Variants in SLC25A28 observed in about 807,000 individuals in gnomAD.
SLC25A28 encodes the protein solute carrier family 25 member 28.
In SLC25A28, 10 loss-of-function variants were observed where a neutral mutation model predicts 31.9. The ratio of observed to expected loss-of-function variants is 0.31; its 90% CI spans 0.19 to 0.53. The LOEUF (loss-of-function observed/expected upper bound fraction) is 0.53. SLC25A28 is among the 20% of genes least tolerant of loss of function. The probability of loss-of-function intolerance (pLI) is 0.95; values close to 1 mark genes in which losing one functional copy is unlikely to be tolerated. For synonymous variants in SLC25A28, 208 were observed against 203.6 expected, an observed-to-expected ratio of 1.02 and a Z score of -0.19; for missense variants, 256 against 490.3, an observed-to-expected ratio of 0.52 and a Z score of 4.51.
chr10:99,643,101 C>T, the SLC25A28 span, among the ~76,000 whole-genome samples: 1 of 152,108 alleles, frequency 6.6e-6, no homozygotes, highest in Non-Finnish European at 1.5e-5. Context: ...AGGGAGGATT[C>T]CCTCTTTTTC....
At chr10:99,633,261 A>G in the SLC25A28 span, among the ~76,000 whole-genome samples, 1 of 152,156 alleles carries the variant, frequency 6.6e-6, no homozygotes, top group Non-Finnish European at 1.5e-5. Context: ...TATTACAGGC[A>G]CATTCCCAAC....
At chr10:99,654,809 A>C in the SLC25A28 span, among the ~76,000 whole-genome samples, 1 of 152,248 alleles carries the variant, frequency 6.6e-6, no homozygotes, top group Non-Finnish European at 1.5e-5. Context: ...TGATAGGCAC[A>C]ATCATAACAT....
chr10:99,644,463 C>T, the SLC25A28 span, among the ~76,000 whole-genome samples: 127,712 of 152,062 alleles, frequency 0.84, 53,875 homozygotes, highest in Middle Eastern at 0.92. Context: ...TGTGTCTCTG[C>T]CCGTGAGATG....
chr10:99,652,611 T>A, the SLC25A28 span, among the ~76,000 whole-genome samples: 1 of 152,038 alleles, frequency 6.6e-6, no homozygotes, highest in African/African-American at 2.4e-5. Flanking sequence ...ATGCTACACA[T>A]GAGGAGGGTG....
At chr10:99,655,598 T>C in the SLC25A28 span, among the ~76,000 whole-genome samples, 1 of 152,204 alleles carries the variant, frequency 6.6e-6, no homozygotes, top group African/African-American at 2.4e-5. Context: ...TATACCTGTA[T>C]CGTTTTTTTC....
chr10:99,627,698 C>T, the SLC25A28 span, among the ~76,000 whole-genome samples: 5 of 152,100 alleles, frequency 3.3e-5, no homozygotes, highest in Non-Finnish European at 5.9e-5. Flanking sequence ...ACTTCAGCCT[C>T]CCAAAGTGAT....
chr10:99,617,276 C>T, intron 1 of SLC25A28: 1 of 985,168 alleles, frequency 1.0e-6, no homozygotes, highest in Middle Eastern at 5.2e-4. Context: ...TCCATTATAG[C>T]CATGGAAATA....
chr10:99,624,234 TTTTTC>T (rs2034842484), upstream of SLC25A28, among the ~76,000 whole-genome samples: 4 of 121,632 alleles, frequency 3.3e-5, no homozygotes, highest in Non-Finnish European at 3.6e-5. Flanking sequence ...TCTTCTTTCT[TTTTTC>T]TCTCTTTCTT....
chr10:99,619,985 G>A lies in SLC25A28; in HGVS notation c.291+60C>T, dbSNP rs1398335738. 10 of 1,485,960 alleles carry A rather than the reference G, an allele frequency of 6.7e-6. No homozygotes were observed. The South Asian group carries it at 9.9e-5, about 15-fold the overall frequency. The allele number at this position is 1,485,960 out of a possible 1,614,324, so 92.0% of individuals were successfully genotyped here. On this transcript the variant is annotated intron_variant, in intron 1 of 3. Coordinates refer to ENST00000370495, the MANE Select transcript of SLC25A28 (RefSeq NM_031212.4). ...GCTCTCAGCCGGGATCCTGGCTCCG[G>A]ACAAGACCCAGGGGTCGGGTCAGCC...
chr10:99,616,288 A>G, intron 1 of SLC25A28: 1 of 853,002 alleles, frequency 1.2e-6, no homozygotes, highest in Non-Finnish European at 1.4e-6. Context: ...GATCTTGGGT[A>G]TGTCACTTAA....
chr10:99,620,395 CCCCCGG>C lies in SLC25A28; in HGVS notation c.-66_-61del, dbSNP rs1285079443. 9.4e-7 allele frequency: 1 copy of C among 1,068,400 alleles called. No individual in the cohort carries two copies. The highest frequency in any genetic ancestry group is 1.7e-5 in the African/African-American group (1 of 58,994). 66.2% of individuals were successfully genotyped at this position (1,068,400 alleles called of 1,614,324 possible). On this transcript the variant is annotated 5_prime_UTR_variant, in exon 1 of 4. Coordinates refer to ENST00000370495, the MANE Select transcript of SLC25A28 (RefSeq NM_031212.4). ...CCGCTGCCACCACTGCCGCCGCCGC[CCCCCGG>C]CCCCGTAGTGTCCGCCTCAGGCGCG...
chr10:99,645,255 T>C, the SLC25A28 span, among the ~76,000 whole-genome samples: 4 of 152,180 alleles, frequency 2.6e-5, no homozygotes, highest in African/African-American at 9.7e-5. Flanking sequence ...GTTAGTGGCT[T>C]TTTACTCTTT....
At chr10:99,618,204 A>G in intron 1 of SLC25A28, 1 of 911,556 alleles carries the variant, frequency 1.1e-6, no homozygotes, top group Non-Finnish European at 1.3e-6. Context: ...GGGATTTATA[A>G]AATGTTTATA....
At chr10:99,621,322 G>A (rs1384035317), upstream of SLC25A28, 2 of 152,498 alleles carry the variant, frequency 1.3e-5, no homozygotes, top group Non-Finnish European at 2.9e-5. Context: ...CTGTCACTGG[G>A]CTCTGCGCCA....
rs1045592795 is a variant in SLC25A28 at position 99,615,924 on chromosome 10, C to G, written c.292-2000G>C. On this transcript the variant is annotated intron_variant, in intron 1 of 3. Coordinates refer to ENST00000370495, the MANE Select transcript of SLC25A28 (RefSeq NM_031212.4). ...TTCGGAGGCCTGGAACTCCTCACCC[C>G]CAAGAGAAAACCGGACTGTGGGAAG... The G allele has an allele frequency of 4.1e-6, 4 of 985,240 alleles. No individual in the cohort carries two copies. In the African/African-American group the frequency reaches 7.0e-5, roughly 17 times the overall value. The allele number at this position is 985,240 out of a possible 1,614,324, so 61.0% of individuals were successfully genotyped here.
upstream of SLC25A28, chr10:99,620,776 G>T (rs2034773912): frequency 2.0e-6 from 2 of 985,334 alleles, no homozygotes; most frequent in African/African-American, 3.5e-5. Flanking sequence ...CCCGCACCAC[G>T]TCGGTCCCCG....
intron 2 of SLC25A28, 48 bp from the exon 3 acceptor site, chr10:99,612,647 C>T (rs374642006): frequency 8.7e-6 from 14 of 1,610,508 alleles, no homozygotes; most frequent in Middle Eastern, 1.7e-4. Flanking sequence ...GAGAGCTGAC[C>T]AACTCATTGA....
At chr10:99,646,688 C>G in the SLC25A28 span, among the ~76,000 whole-genome samples, 8 of 152,200 alleles carry the variant, frequency 5.3e-5, no homozygotes, top group Non-Finnish European at 1.2e-4. Context: ...ATCTTGGAAC[C>G]TCCCCAGAAG....
intron 1 of SLC25A28, chr10:99,617,478 C>T: frequency 1.0e-6 from 1 of 978,392 alleles, no homozygotes; most frequent in Non-Finnish European, 1.2e-6. Context: ...TATCTGCCTC[C>T]AGTCTTAAAG....
Sources: gnomAD v4.1 joint callset for allele counts (sites outside exome capture counted in the v4.1 genomes callset) on GRCh38, gnomAD v4.1.1 for gene constraint, MANE v1.5 for transcripts, NCBI Gene and HGNC (gene_info 2026-07-23, HGNC 2026-07-21) for gene names.